Variants in DPF3 observed in about 807,000 individuals in gnomAD.
DPF3 encodes the protein double PHD fingers 3.
DPF3 carries 18 observed loss-of-function variants against 56.8 expected under a neutral mutation model. That is an observed-to-expected ratio of 0.32 (90% CI 0.22 to 0.47). The LOEUF (loss-of-function observed/expected upper bound fraction) is 0.47. Ranked by LOEUF, DPF3 falls within the 20% of genes least tolerant of loss-of-function variation. The probability of loss-of-function intolerance (pLI) is 1.00; values close to 1 mark genes in which losing one functional copy is unlikely to be tolerated. For missense variants in DPF3, 403 were observed against 488.8 expected, an observed-to-expected ratio of 0.82 and a Z score of 1.65; for synonymous variants, 188 against 180.2, an observed-to-expected ratio of 1.04 and a Z score of -0.35.
intron 7 of DPF3, among the ~76,000 whole-genome samples, chr14:72,691,588 G>C (rs958364243): frequency 6.6e-6 from 1 of 152,096 alleles, no homozygotes; most frequent in Non-Finnish European, 1.5e-5. Context: ...TTAGCTGGGG[G>C]TGGTGATGAG....
chr14:72,811,924 C>T (rs73304120), intron 1 of DPF3, among the ~76,000 whole-genome samples: 1,850 of 152,096 alleles, frequency 0.012, 33 homozygotes, highest in African/African-American at 0.042. Context: ...AGAGAGGGAG[C>T]TGCAGTAAAG....
At chr14:72,747,300 G>A (rs1890364367) in intron 3 of DPF3, among the ~76,000 whole-genome samples, 1 of 152,210 alleles carries the variant, frequency 6.6e-6, no homozygotes, top group African/African-American at 2.4e-5. Context: ...ATTAACCAGA[G>A]TGTCCCATCC....
At chr14:72,661,014 G>A (rs1268313806) in intron 8 of DPF3, 1 of 977,074 alleles carries the variant, frequency 1.0e-6, no homozygotes, top group Non-Finnish European at 1.2e-6. Flanking sequence ...GATGAGCTTG[G>A]TTGGTCAAGC....
intron 8 of DPF3, among the ~76,000 whole-genome samples, chr14:72,646,131 T>A (rs573387410): frequency 1.3e-5 from 2 of 152,290 alleles, no homozygotes; most frequent in East Asian, 3.9e-4. Flanking sequence ...CCTCCTCTCT[T>A]TTCCACCAAA....
chr14:72,717,995 C>T (rs1004058622), intron 5 of DPF3, among the ~76,000 whole-genome samples: 4 of 152,176 alleles, frequency 2.6e-5, no homozygotes, highest in Non-Finnish European at 4.4e-5. Context: ...CAAGCTGGGC[C>T]AATCAGATCC....
intron 4 of DPF3, among the ~76,000 whole-genome samples, chr14:72,725,161 T>C (rs1158586790): frequency 1.3e-5 from 2 of 152,174 alleles, no homozygotes; most frequent in East Asian, 1.9e-4. Context: ...GCAGGCTCCA[T>C]GCTAGGCAAG....
chr14:72,812,600 C>T (rs1013402028), intron 1 of DPF3, among the ~76,000 whole-genome samples: 7 of 152,064 alleles, frequency 4.6e-5, no homozygotes, highest in East Asian at 1.9e-4. Flanking sequence ...ACACTGCTGG[C>T]GGAGCGGAGA....
At chr14:72,726,202 C>A (rs183051854) in intron 4 of DPF3, among the ~76,000 whole-genome samples, 59 of 152,310 alleles carry the variant, frequency 3.9e-4, no homozygotes, top group African/African-American at 1.4e-3. Context: ...GTTCGTAGAA[C>A]CATCTTGCAA....
chr14:72,873,575 A>G (rs979364542), intron 1 of DPF3, among the ~76,000 whole-genome samples: 12 of 152,354 alleles, frequency 7.9e-5, no homozygotes, highest in Non-Finnish European at 1.6e-4. Context: ...ATTACTGGGT[A>G]TATACCCAAA....
intron 4 of DPF3, among the ~76,000 whole-genome samples, chr14:72,729,216 C>G (rs1466005817): frequency 6.6e-6 from 1 of 151,898 alleles, no homozygotes; most frequent in African/African-American, 2.4e-5. Context: ...CCACTTCACT[C>G]CAGCCTGGGC....
At chr14:72,858,320 A>AAAG (rs1885250989) in intron 1 of DPF3, among the ~76,000 whole-genome samples, 1 of 151,488 alleles carries the variant, frequency 6.6e-6, no homozygotes, top group African/African-American at 2.4e-5. Context: ...AAAAAAAAAA[A>AAAG]AAAAACCCAG....
At chr14:72,742,449 G>C (rs888254185) in intron 3 of DPF3, 1 of 148,898 alleles carries the variant, frequency 6.7e-6, no homozygotes, top group Non-Finnish European at 1.5e-5. Flanking sequence ...CACCTGGCTC[G>C]AGGCTCCGCG....
intron 1 of DPF3, among the ~76,000 whole-genome samples, chr14:72,866,146 G>T (rs1445570757): frequency 2.0e-5 from 3 of 152,206 alleles, no homozygotes; most frequent in Non-Finnish European, 1.5e-5. Context: ...TTGTTGATTT[G>T]ATGGTAATTT....
intron 8 of DPF3, among the ~76,000 whole-genome samples, chr14:72,639,915 C>CA (rs1306214888): frequency 6.6e-6 from 1 of 151,306 alleles, no homozygotes; most frequent in Non-Finnish European, 1.5e-5. Flanking sequence ...TGATAAGTGC[C>CA]ATAATAGGAG....
chr14:72,669,949 T>A, intron 8 of DPF3: 1 of 985,948 alleles, frequency 1.0e-6, no homozygotes. Context: ...AGCCAAGACA[T>A]ACCTTTTGAC....
chr14:72,619,866 C>A, intron 10 of DPF3, 37 bp downstream of exon 10: 1 of 1,502,912 alleles, frequency 6.7e-7, no homozygotes, highest in Non-Finnish European at 8.9e-7. Flanking sequence ...GTAGTAGTAT[C>A]TGTTGCTGTT....
In DPF3 at chr14:72,681,751, G is replaced by A. The variant is rs117086584; in HGVS notation, c.743-7383C>T. 2.8e-4 allele frequency among the ~76,000 whole-genome samples: 42 copies of A among 152,236 alleles called. No homozygotes were observed. The East Asian group carries it at 6.0e-3, about 22-fold the overall frequency. ...ATATTTGGTGAGAGTTGTAATTTGC[G>A]GTTTGCCAAAAGGCCACAACAATTT... On this transcript the variant is annotated intron_variant, in intron 7 of 10. Transcript: ENST00000556509.
At chr14:72,852,021 A>G (rs1885004531) in intron 1 of DPF3, among the ~76,000 whole-genome samples, 1 of 152,284 alleles carries the variant, frequency 6.6e-6, no homozygotes, top group Non-Finnish European at 1.5e-5. Flanking sequence ...TCCCTTTTGG[A>G]GACGCAGAAG....
chr14:72,888,826 A>G lies in DPF3; in HGVS notation c.32+5231T>C, dbSNP rs186645750. ...CTAGTGACTTTCAAAACACTCAAAA[A>G]CCACAAAAGTTACTTTGCAGAGGTT... On this transcript the variant is annotated intron_variant, in intron 1 of 10. Transcript: ENST00000556509. Among the ~76,000 whole-genome samples, 138 of 152,214 alleles carry G rather than the reference A, an allele frequency of 9.1e-4. 2 individuals are homozygous for G. The East Asian group carries it at 0.018, about 20-fold the overall frequency.
Sources: gnomAD v4.1 joint callset for allele counts (sites outside exome capture counted in the v4.1 genomes callset) on GRCh38, gnomAD v4.1.1 for gene constraint, MANE v1.5 for transcripts, NCBI Gene and HGNC (gene_info 2026-07-23, HGNC 2026-07-21) for gene names.